The following SDCBP variants were observed in gnomAD, a reference collection of about 807,000 sequenced individuals.
SDCBP encodes the protein syndecan binding protein.
A neutral mutation model predicts 30.5 loss-of-function variants in SDCBP; 22 were observed. The observed-to-expected ratio is 0.72, with a 90% CI of 0.52 to 1.03. The LOEUF (loss-of-function observed/expected upper bound fraction) is 1.03. Among genes scored for constraint, SDCBP ranks in the 50% least tolerant of loss-of-function variants. The pLI is 0.00. For missense variants in SDCBP, 304 were observed against 369.9 expected, an observed-to-expected ratio of 0.82 and a Z score of 1.46; for synonymous variants, 103 against 118.7, an observed-to-expected ratio of 0.87 and a Z score of 0.86.
chr8:58,581,003 C>T (rs1409700803), intron 8 of SDCBP, among the ~76,000 whole-genome samples: 1 of 152,256 alleles, frequency 6.6e-6, no homozygotes, highest in East Asian at 1.9e-4. Context: ...AGTAAGTTTC[C>T]CTTCTCTCCA....
At chr8:58,558,274 T>A (rs1323822679) in intron 1 of SDCBP, among the ~76,000 whole-genome samples, 1 of 152,182 alleles carries the variant, frequency 6.6e-6, no homozygotes, top group Admixed American at 6.5e-5. Context: ...TGGTATCTTC[T>A]TTTTAAAAAG....
chr8:58,566,154 T>A (rs1199246897), intron 2 of SDCBP, among the ~76,000 whole-genome samples: 2 of 152,210 alleles, frequency 1.3e-5, no homozygotes, highest in Admixed American at 1.3e-4. Context: ...AGTATTTTCT[T>A]CATGTGGTTT....
chr8:58,564,627 T>C (rs994191392), intron 1 of SDCBP, among the ~76,000 whole-genome samples: 1 of 152,258 alleles, frequency 6.6e-6, no homozygotes, highest in African/African-American at 2.4e-5. Flanking sequence ...GAAGGAAATG[T>C]AGCTGTGTAA....
intron 2 of SDCBP, among the ~76,000 whole-genome samples, chr8:58,565,644 T>C (rs1161647518): frequency 2.0e-5 from 3 of 152,056 alleles, no homozygotes; most frequent in Non-Finnish European, 4.4e-5. Context: ...CTAATTGCAT[T>C]GAGTTGAAAA....
Position 58,574,028 on chromosome 8 carries a change from CTTA to C in SDCBP, c.240+1717_240+1719del, listed in dbSNP as rs1284010631. Among the ~76,000 whole-genome samples the C allele has an allele frequency of 2.6e-5, 4 of 152,282 alleles. No individual in the cohort carries two copies. The East Asian group carries it at 7.7e-4, about 29-fold the overall frequency. ...TCACTTATGATCTTTATCACATATT[CTTA>C]TTGTTATTTGTTTATTTACAATCTT... is the stretch of plus-strand genomic sequence containing the variant. On this transcript the variant is annotated intron_variant, in intron 4 of 8. Transcript: ENST00000260130.
Position 58,555,336 on chromosome 8 carries a change from G to C in SDCBP, c.-16+2033G>C, listed in dbSNP as rs551541729. ...CCCACTCTGTATGGTAATTGTACTA[G>C]TTTACGCTCCCATTAGTAGTATGTG... On this transcript the variant is annotated intron_variant, in intron 1 of 8. Transcript: ENST00000260130. Among the ~76,000 whole-genome samples the C allele has an allele frequency of 2.6e-5, 4 of 152,270 alleles. No individual in the cohort carries two copies. In the South Asian group the frequency reaches 8.3e-4, roughly 32 times the overall value.
intron 1 of SDCBP, among the ~76,000 whole-genome samples, chr8:58,559,624 C>G (rs1804330511): frequency 1.3e-5 from 2 of 151,924 alleles, no homozygotes; most frequent in Non-Finnish European, 1.5e-5. Flanking sequence ...CTACTATTCA[C>G]CATTGTACTG....
At chr8:58,578,734 T>G (rs1019941171) in intron 6 of SDCBP, among the ~76,000 whole-genome samples, 19 of 152,232 alleles carry the variant, frequency 1.2e-4, no homozygotes, top group African/African-American at 4.3e-4. Flanking sequence ...TCTTGTCTAC[T>G]CCATACCCAA....
chr8:58,554,666 T>G (rs1014808931), intron 1 of SDCBP, among the ~76,000 whole-genome samples: 1 of 152,164 alleles, frequency 6.6e-6, no homozygotes, highest in Non-Finnish European at 1.5e-5. Flanking sequence ...AATGTACTGT[T>G]TAATTAAAGA....
At chr8:58,579,556 CT>C in intron 6 of SDCBP, 66 bp from the exon 7 acceptor site, 1 of 1,211,928 alleles carries the variant, frequency 8.3e-7, no homozygotes, top group African/African-American at 1.5e-5. Context: ...AACATTTATG[CT>C]ATATGAAATC....
At chr8:58,569,747 A>T (rs1019047375) in intron 2 of SDCBP, among the ~76,000 whole-genome samples, 1 of 152,142 alleles carries the variant, frequency 6.6e-6, no homozygotes. Flanking sequence ...GTGGTGAAAG[A>T]ACTTTCAAAG....
chr8:58,570,017 A>G (rs1804928136), intron 2 of SDCBP, among the ~76,000 whole-genome samples: 1 of 152,212 alleles, frequency 6.6e-6, no homozygotes, highest in Non-Finnish European at 1.5e-5. Context: ...AGATACTACT[A>G]TGAACTTCAT....
chr8:58,557,918 TCC>T (rs1804236436), intron 1 of SDCBP, among the ~76,000 whole-genome samples: 1 of 152,190 alleles, frequency 6.6e-6, no homozygotes, highest in Non-Finnish European at 1.5e-5. Context: ...ATGAGATTCT[TCC>T]ACTGATGTAA....
intron 5 of SDCBP, among the ~76,000 whole-genome samples, chr8:58,577,488 A>T (rs1195416676): frequency 6.6e-6 from 1 of 152,214 alleles, no homozygotes; most frequent in African/African-American, 2.4e-5. Context: ...TTTTAGTCTA[A>T]CAAATAAACT....
chr8:58,578,264 T>G (rs1351206495), intron 6 of SDCBP, 56 bp downstream of exon 6: 9 of 1,359,794 alleles, frequency 6.6e-6, no homozygotes, highest in Admixed American at 5.2e-5. Context: ...TCCATTTTTT[T>G]GGGCTTTCAG....
intron 4 of SDCBP, among the ~76,000 whole-genome samples, chr8:58,574,743 A>C (rs1462989272): frequency 1.3e-5 from 2 of 152,102 alleles, no homozygotes; most frequent in Non-Finnish European, 2.9e-5. Context: ...TATATATTCA[A>C]CTGTATATAT....
intron 2 of SDCBP, among the ~76,000 whole-genome samples, chr8:58,568,035 T>C (rs1804796317): frequency 6.6e-6 from 1 of 152,192 alleles, no homozygotes; most frequent in Non-Finnish European, 1.5e-5. Context: ...ACTTTATCAA[T>C]ACTCTATACT....
At chr8:58,579,835 GA>G (rs769831073) in intron 7 of SDCBP, 41 bp downstream of exon 7, 2 of 1,532,722 alleles carry the variant, frequency 1.3e-6, no homozygotes, top group East Asian at 4.7e-5. Context: ...TGCAGTTTTA[GA>G]AAATGTCTGT....
intron 2 of SDCBP, among the ~76,000 whole-genome samples, chr8:58,566,036 A>T (rs1804693078): frequency 6.6e-6 from 1 of 152,128 alleles, no homozygotes; most frequent in African/African-American, 2.4e-5. Context: ...AGGTTTGTAA[A>T]ATCTCTAAAA....
Sources: allele counts gnomAD v4.1 joint callset (sites outside exome capture counted in the v4.1 genomes callset), GRCh38; gene constraint gnomAD v4.1.1; transcripts MANE v1.5; gene names NCBI Gene and HGNC (gene_info 2026-07-23, HGNC 2026-07-21).